RNF130: variants seen among roughly 807,000 people sequenced by gnomAD.
RNF130 encodes ring finger protein 130, also known as E3 ubiquitin-protein ligase RNF130.
A neutral mutation model predicts 44.6 loss-of-function variants in RNF130; 21 were observed. The ratio of observed to expected loss-of-function variants is 0.47; its 90% CI spans 0.33 to 0.68. The LOEUF is 0.68. RNF130 is among the 30% of genes least tolerant of loss of function. The pLI, the probability that RNF130 is intolerant of heterozygous loss-of-function variation, is 0.02. For synonymous variants in RNF130, 214 were observed against 210.4 expected (o/e 1.02, Z -0.15); for missense variants, 479 against 560.6 (o/e 0.85, Z 1.47).
intron 7 of RNF130, among the ~76,000 whole-genome samples, chr5:179,946,344 A>C (rs1047511096): frequency 5.9e-5 from 9 of 152,208 alleles, no homozygotes; most frequent in African/African-American, 1.9e-4. Flanking sequence ...GGCCCGCGTC[A>C]GGCCCCCCTC....
In RNF130 at chr5:179,963,548, A is replaced by T; in HGVS notation, c.1167T>A (p.Ile389=). The change falls in exon 8 of 9, where the codon ATT becomes ATA. Residue 389 remains isoleucine (I), a synonymous_variant. Coordinates refer to ENST00000521389, the MANE Select transcript of RNF130 (RefSeq NM_018434.6). The stretch of plus-strand genomic sequence containing the variant: ...GGGCACTGAGGAGGCCAAAACTGGC[A>T]ATAATAAACCATTCTTCTGTTGACA... ...NIAVTKEWFI[I]ASFGLLSALT... The T allele has an allele frequency of 1.2e-6, 2 of 1,613,142 alleles. No homozygotes were observed. Among genetic ancestry groups the T allele is most frequent in the Non-Finnish European group, 8.5e-7 (1 of 1,179,104 alleles).
chr5:180,008,807 C>A (rs749836498), intron 3 of RNF130, among the ~76,000 whole-genome samples: 1 of 151,974 alleles, frequency 6.6e-6, no homozygotes, highest in African/African-American at 2.4e-5. Context: ...TCACTTGAAC[C>A]CGGGAGGTGG....
intron 7 of RNF130, among the ~76,000 whole-genome samples, chr5:179,947,378 A>T (rs1762057623): frequency 1.3e-5 from 2 of 152,112 alleles, no homozygotes; most frequent in African/African-American, 4.8e-5. Flanking sequence ...GTCCTAAATC[A>T]AGCCCAGCAC....
chr5:179,941,068 T>C (rs774855748), intron 7 of RNF130, among the ~76,000 whole-genome samples: 39 of 152,204 alleles, frequency 2.6e-4, no homozygotes, highest in Non-Finnish European at 3.1e-4. Flanking sequence ...TTATTGGTCA[T>C]TGGTTTCCTG....
chr5:180,049,060 T>C (rs530954272), intron 1 of RNF130, among the ~76,000 whole-genome samples: 70 of 152,320 alleles, frequency 4.6e-4, no homozygotes, highest in African/African-American at 1.6e-3. Flanking sequence ...CAGAGGCTGG[T>C]AGGCAATTAA....
At chr5:179,926,805 G>A (rs1373998384) in intron 7 of RNF130, among the ~76,000 whole-genome samples, 4 of 152,238 alleles carry the variant, frequency 2.6e-5, no homozygotes, top group African/African-American at 7.2e-5. Flanking sequence ...GGCATTGGAC[G>A]TGGAGACAGT....
At chr5:179,946,769 T>C (rs1762049007) in intron 7 of RNF130, among the ~76,000 whole-genome samples, 2 of 152,264 alleles carry the variant, frequency 1.3e-5, no homozygotes, top group East Asian at 1.9e-4. Context: ...TTAGCCAGGA[T>C]GGTCTCGATC....
Position 179,967,368 on chromosome 5 carries a change from C to T in RNF130, c.946-358G>A, listed in dbSNP as rs564861154. Among the ~76,000 whole-genome samples, 3 of 152,322 alleles carry T rather than the reference C, an allele frequency of 2.0e-5. No individual in the cohort carries two copies. The Middle Eastern group carries it at 0.01, about 518-fold the overall frequency. On this transcript the variant is annotated intron_variant, in intron 6 of 8. Transcript: ENST00000521389. ...TATTACTTTGCTTCATGGTAAATGT[C>T]CATGTTGAAGAATCCCAGGTAATAG... is the stretch of plus-strand genomic sequence containing the variant.
chr5:179,979,876 T>C (rs1433216867), intron 4 of RNF130, among the ~76,000 whole-genome samples: 1 of 152,194 alleles, frequency 6.6e-6, no homozygotes, highest in Non-Finnish European at 1.5e-5. Context: ...ACACATCTCC[T>C]GGCTTTTTAA....
chr5:180,028,727 C>G lies in RNF130; in HGVS notation c.442+11726G>C, dbSNP rs985553525. The stretch of plus-strand genomic sequence containing the variant: ...TCCTTCTACAAATCCCTACAGTGTC[C>G]ATCACAGAATGCCTGGCATATAGCA... On this transcript the variant is annotated intron_variant, in intron 2 of 8. Coordinates refer to ENST00000521389, the MANE Select transcript of RNF130 (RefSeq NM_018434.6). Among the ~76,000 whole-genome samples the G allele has an allele frequency of 3.3e-5, 5 of 152,162 alleles. No individual in the cohort carries two copies. The South Asian group carries it at 8.3e-4, about 25-fold the overall frequency.
intron 3 of RNF130, among the ~76,000 whole-genome samples, chr5:179,989,536 G>T (rs921917350): frequency 2.0e-5 from 3 of 151,842 alleles, no homozygotes; most frequent in Non-Finnish European, 4.4e-5. Flanking sequence ...TTTACATAAC[G>T]TCTGTTTTAT....
At chr5:179,932,902 A>T (rs766116297) in intron 7 of RNF130, among the ~76,000 whole-genome samples, 2 of 152,334 alleles carry the variant, frequency 1.3e-5, no homozygotes, top group Non-Finnish European at 2.9e-5. Flanking sequence ...CTTTCTTGTA[A>T]TGCCCTTGTA....
chr5:180,060,905 T>C (rs1441055888), intron 1 of RNF130, among the ~76,000 whole-genome samples: 4 of 151,532 alleles, frequency 2.6e-5, no homozygotes, highest in Non-Finnish European at 5.9e-5. Flanking sequence ...CCGTCTCTAC[T>C]AAAAATACAA....
At chr5:180,008,116 A>G (rs1356442964) in intron 3 of RNF130, among the ~76,000 whole-genome samples, 2 of 150,698 alleles carry the variant, frequency 1.3e-5, no homozygotes, top group Non-Finnish European at 2.9e-5. Context: ...TCCCCCATAG[A>G]TTCCTGACAA....
intron 5 of RNF130, among the ~76,000 whole-genome samples, chr5:179,976,396 G>C (rs1197274792): frequency 1.1e-4 from 16 of 152,180 alleles, no homozygotes; most frequent in Admixed American, 1.0e-3. Context: ...ACAGAATTTG[G>C]AGAGCCTTGG....
intron 2 of RNF130, among the ~76,000 whole-genome samples, chr5:180,029,729 G>A (rs1031169322): frequency 6.6e-6 from 1 of 152,014 alleles, no homozygotes; most frequent in Non-Finnish European, 1.5e-5. Context: ...TAGTAGAGAT[G>A]GGGTTTTGTT....
At chr5:179,959,936 C>T (rs1471564773) in intron 8 of RNF130, among the ~76,000 whole-genome samples, 4 of 152,140 alleles carry the variant, frequency 2.6e-5, no homozygotes, top group African/African-American at 7.2e-5. Context: ...AATCTTAGAA[C>T]GTGATTTCTA....
intron 2 of RNF130, among the ~76,000 whole-genome samples, chr5:180,023,630 C>T (rs1338313716): frequency 6.6e-6 from 1 of 152,148 alleles, no homozygotes; most frequent in Admixed American, 6.5e-5. Context: ...GTGGCCAAAG[C>T]TAGGATAATT....
At chr5:179,938,943 A>G (rs1045660388) in intron 7 of RNF130, among the ~76,000 whole-genome samples, 1 of 152,186 alleles carries the variant, frequency 6.6e-6, no homozygotes, top group Non-Finnish European at 1.5e-5. Context: ...AAGTGCATAC[A>G]CAGGCCGGGC....
Sources: gnomAD v4.1 joint callset for allele counts (sites outside exome capture counted in the v4.1 genomes callset) on GRCh38, gnomAD v4.1.1 for gene constraint, MANE v1.5 for transcripts, NCBI Gene and HGNC (gene_info 2026-07-23, HGNC 2026-07-21) for gene names.